Variants in LRBA observed in about 807,000 individuals in gnomAD.
The protein encoded by LRBA is lipopolysaccharide-responsive and beige-like anchor protein.
Under a neutral mutation model 330.0 loss-of-function variants are expected in LRBA, and 176 were observed. The observed-to-expected ratio is 0.53, with a 90% CI of 0.47 to 0.60. LRBA has a LOEUF of 0.60. Ranked by LOEUF, LRBA falls within the 20% of genes least tolerant of loss-of-function variation. LRBA has a pLI of 0.00. For missense variants in LRBA, 3,259 were observed against 3,444.8 expected, an observed-to-expected ratio of 0.95 and a Z score of 1.35; for synonymous variants, 1,230 against 1,193.0, an observed-to-expected ratio of 1.03 and a Z score of -0.64.
At chr4:150,846,810 T>A (rs1163230778) in intron 26 of LRBA, among the ~76,000 whole-genome samples, 1 of 152,196 alleles carries the variant, frequency 6.6e-6, no homozygotes, top group Non-Finnish European at 1.5e-5. Flanking sequence ...AAGTCATTTT[T>A]TAAGTCCCAT....
At chr4:150,910,668 C>G (rs1252190584) in intron 9 of LRBA, among the ~76,000 whole-genome samples, 2 of 152,094 alleles carry the variant, frequency 1.3e-5, no homozygotes, top group African/African-American at 4.8e-5. Context: ...TGAGATTCCA[C>G]ATTAATTTTA....
At chr4:150,983,919 T>G (rs1454068535) in intron 2 of LRBA, among the ~76,000 whole-genome samples, 2 of 152,222 alleles carry the variant, frequency 1.3e-5, no homozygotes, top group Non-Finnish European at 2.9e-5. Flanking sequence ...TTTTTATTCA[T>G]GTATGCATTC....
At position 150,665,534 on chromosome 4, in the gene LRBA, GA is replaced by G. The variant is rs200913464; in HGVS notation, c.5921+18016del. Reference sequence around the variant, plus strand: ...ATACAGAACAGCTCCATCATGCCAAGAAAAAAAAAATCTTTGCACCCCTTTT... The same window carrying G: ...ATACAGAACAGCTCCATCATGCCAAGAAAAAAAAATCTTTGCACCCCTTTT... On this transcript the variant is annotated intron_variant, in intron 37 of 56. Coordinates refer to ENST00000651943, the MANE Select transcript of LRBA (RefSeq NM_001364905.1). Among the ~76,000 whole-genome samples, 5 of 149,648 alleles carry G rather than the reference GA, an allele frequency of 3.3e-5. No homozygotes were observed. In the East Asian group the frequency reaches 5.9e-4, roughly 18 times the overall value.
At chr4:150,389,910 T>C (rs1004933071) in intron 47 of LRBA, among the ~76,000 whole-genome samples, 14 of 97,206 alleles carry the variant, frequency 1.4e-4, no homozygotes, top group African/African-American at 4.8e-4. Flanking sequence ...TTTGTCTGGG[T>C]ATTTTTTTTT....
intron 40 of LRBA, 75 bp from the exon 41 acceptor site, chr4:150,491,110 T>G: frequency 1.6e-6 from 1 of 624,818 alleles, no homozygotes; most frequent in East Asian, 2.8e-5. Flanking sequence ...CCAATTAAAA[T>G]AGAAAAGACC....
At chr4:150,758,572 CTTTTT>C (rs35416240) in intron 35 of LRBA, among the ~76,000 whole-genome samples, 1 of 117,028 alleles carries the variant, frequency 8.5e-6, no homozygotes. Context: ...ATCTCTTTGT[CTTTTT>C]TTTTTTTTTT....
At chr4:150,889,530 G>A (rs1729265186) in intron 17 of LRBA, among the ~76,000 whole-genome samples, 1 of 152,178 alleles carries the variant, frequency 6.6e-6, no homozygotes, top group South Asian at 2.1e-4. Flanking sequence ...CCTGAGCTCT[G>A]CCTCCTGTCA....
At chr4:150,287,228 C>T (rs1748249836) in intron 53 of LRBA, among the ~76,000 whole-genome samples, 1 of 152,174 alleles carries the variant, frequency 6.6e-6, no homozygotes, top group African/African-American at 2.4e-5. Context: ...GAAGGAAGTC[C>T]AGCAGCTCAG....
At chr4:150,846,529 CAAAA>C (rs546817482) in intron 26 of LRBA, among the ~76,000 whole-genome samples, 1 of 104,660 alleles carries the variant, frequency 9.6e-6, no homozygotes. Flanking sequence ...GCTCCATCTC[CAAAA>C]AAAAAAAAAG....
Position 150,848,779 on chromosome 4 carries a change from T to A in LRBA, c.4339+39A>T, listed in dbSNP as rs778792674. ...ATGTCATCTCTGAATTACTGAAAAA[T>A]TTTTTTTAGTAAATTCCCAACGGTT... On this transcript the variant is annotated intron_variant, in intron 26 of 56. Transcript: ENST00000651943. 36 of 1,496,392 alleles carry A rather than the reference T, an allele frequency of 2.4e-5. No homozygotes were observed. The East Asian group carries it at 3.9e-4, about 16-fold the overall frequency. The allele number at this position is 1,496,392 out of a possible 1,614,324, so 92.7% of individuals were successfully genotyped here. A position where few individuals can be genotyped will look rare whatever the true frequency, so the allele number is the denominator to read the frequency against.
chr4:150,930,382 A>G (rs1316678781), intron 2 of LRBA, among the ~76,000 whole-genome samples: 1 of 152,110 alleles, frequency 6.6e-6, no homozygotes, highest in Non-Finnish European at 1.5e-5. Context: ...AGTCCCAGTT[A>G]CTTGGGAGGC....
At chr4:150,943,023 C>T (rs550397845) in intron 2 of LRBA, among the ~76,000 whole-genome samples, 3 of 152,154 alleles carry the variant, frequency 2.0e-5, no homozygotes, top group East Asian at 1.9e-4. Flanking sequence ...ACAAAATAGT[C>T]GAAATCTCCT....
At chr4:150,801,705 T>A (rs918559344) in intron 33 of LRBA, among the ~76,000 whole-genome samples, 1 of 152,188 alleles carries the variant, frequency 6.6e-6, no homozygotes, top group African/African-American at 2.4e-5. Flanking sequence ...TCTCAAGTTA[T>A]CACACAAACT....
In LRBA at chr4:150,399,971, GTCAA is replaced by G. The variant is rs1301950405; in HGVS notation, c.7194+15463_7194+15466del. Among the ~76,000 whole-genome samples the G allele has an allele frequency of 5.2e-5, 7 of 135,234 alleles. No homozygotes were observed. In the South Asian group the frequency reaches 1.6e-3, roughly 30 times the overall value. The allele number at this position is 135,234 out of a possible 152,430, so 88.7% of individuals were successfully genotyped here. A position where few individuals can be genotyped will look rare whatever the true frequency, so the allele number is the denominator to read the frequency against. ...AGCCAGGGTGATGAAGTGAGACTCT[GTCAA>G]TCAAACAATCAATCAATCAATCAAT... On this transcript the variant is annotated intron_variant, in intron 47 of 56. Coordinates refer to ENST00000651943, the MANE Select transcript of LRBA (RefSeq NM_001364905.1).
chr4:150,294,118 G>A (rs1219243268), intron 53 of LRBA, among the ~76,000 whole-genome samples: 1 of 152,190 alleles, frequency 6.6e-6, no homozygotes, highest in Non-Finnish European at 1.5e-5. Flanking sequence ...CCCGACTCCT[G>A]TGTTGTTCAA....
At chr4:150,278,097 G>A (rs757882245) in intron 55 of LRBA, 93 bp from the exon 56 acceptor site, 23 of 1,045,062 alleles carry the variant, frequency 2.2e-5, no homozygotes, top group African/African-American at 4.7e-5. Flanking sequence ...CAGCTACTAC[G>A]GTGCAGAGAG....
chr4:150,914,978 T>C (rs898387774), intron 8 of LRBA, among the ~76,000 whole-genome samples: 2 of 152,112 alleles, frequency 1.3e-5, no homozygotes, highest in South Asian at 4.1e-4. Flanking sequence ...AGTCAATAAA[T>C]GACAGAGCTG....
At chr4:150,823,518 T>C (rs1443023037) in intron 30 of LRBA, among the ~76,000 whole-genome samples, 1 of 152,200 alleles carries the variant, frequency 6.6e-6, no homozygotes, top group Non-Finnish European at 1.5e-5. Flanking sequence ...TTTTGGGGTA[T>C]TACTCGAGAA....
At chr4:150,708,535 CA>C (rs1785862101) in intron 36 of LRBA, among the ~76,000 whole-genome samples, 1 of 151,628 alleles carries the variant, frequency 6.6e-6, no homozygotes, top group Non-Finnish European at 1.5e-5. Flanking sequence ...AAAATGGTAT[CA>C]AAAAATAGAA....
Sources: allele counts gnomAD v4.1 joint callset (sites outside exome capture counted in the v4.1 genomes callset), GRCh38; gene constraint gnomAD v4.1.1; transcripts MANE v1.5; gene names NCBI Gene and HGNC (gene_info 2026-07-23, HGNC 2026-07-21).